The following ZNF700 variants were observed in gnomAD, a reference collection of about 807,000 sequenced individuals.
ZNF700 encodes the protein zinc finger protein 700.
Under a neutral mutation model 65.3 loss-of-function variants are expected in ZNF700, and 38 were observed. That is an observed-to-expected ratio of 0.58 (90% CI 0.45 to 0.76). The LOEUF (loss-of-function observed/expected upper bound fraction) is 0.76. Ranked by LOEUF, ZNF700 falls within the 30% of genes least tolerant of loss-of-function variation. The pLI, the probability that ZNF700 is intolerant of heterozygous loss-of-function variation, is 0.00. For synonymous variants in ZNF700, 285 were observed against 290.4 expected (o/e 0.98, Z 0.19); for missense variants, 857 against 888.4 (o/e 0.96, Z 0.45).
intron 1 of ZNF700, among the ~76,000 whole-genome samples, chr19:11,945,338 T>C (rs1267425390): frequency 6.6e-6 from 1 of 152,204 alleles, no homozygotes; most frequent in Non-Finnish European, 1.5e-5. Flanking sequence ...TGGTTTTAGG[T>C]TGCAATAGGC....
chr19:11,950,251 T>A lies in ZNF700; in HGVS notation c.2227T>A (p.Ter743LysextTer9), dbSNP rs1193951553. 1 of 1,606,842 alleles carries A rather than the reference T, an allele frequency of 6.2e-7. No individual in the cohort carries two copies. Among genetic ancestry groups the A allele is most frequent in the Non-Finnish European group, 8.5e-7 (1 of 1,177,664 alleles). ...TAAGGATTGTGGGAAAGCATTCAGC[T>A]AGCCTGGTTCCTTTTATGGACATGA... ...ECKDCGKAFS* is the reference protein window; with the variant it reads ...ECKDCGKAFSK Residue 743 changes from the stop codon to lysine, a stop_lost, in exon 4 of 4, where the codon TAG becomes AAG. Coordinates refer to ENST00000254321, the MANE Select transcript of ZNF700 (RefSeq NM_144566.3).
In ZNF700 at chr19:11,949,921, T is replaced by C. The variant is rs773961614; in HGVS notation, c.1897T>C (p.Ser633Pro). 1 of 1,610,424 alleles carries C rather than the reference T, an allele frequency of 6.2e-7. No homozygotes were observed. Among genetic ancestry groups the C allele is most frequent in the East Asian group, 2.2e-5 (1 of 44,560 alleles). The change falls in exon 4 of 4, where the codon TCA (serine) becomes CCA (proline). Residue 633 changes from serine to proline, a missense_variant. This residue lies in a region of ZNF700 where 251 missense variants were observed against 250.3 expected (regional missense o/e 1.00). Coordinates refer to ENST00000254321, the MANE Select transcript of ZNF700 (RefSeq NM_144566.3). Reference protein sequence around the residue: ...KQCGKAFRSASNLQMHERTHT... With the variant: ...KQCGKAFRSAPNLQMHERTHT... ...ATGTGGGAAAGCCTTCAGATCTGCC[T>C]CAAACCTTCAGATGCATGAAAGGAC...
At chr19:11,940,000 C>T (rs1336878743) in intron 1 of ZNF700, 4 of 150,882 alleles carry the variant, frequency 2.7e-5, no homozygotes, top group Admixed American at 6.6e-5. Context: ...GGCACAACCT[C>T]GGCTCACCGC....
chr19:11,927,941 A>G (rs1009161175), intron 1 of ZNF700, among the ~76,000 whole-genome samples: 2 of 152,122 alleles, frequency 1.3e-5, no homozygotes, highest in Admixed American at 6.5e-5. Flanking sequence ...TATAGGCAAA[A>G]GGCAAATAAA....
At position 11,931,014 on chromosome 19, in the gene ZNF700, C is replaced by A. The variant is rs1208543131; in HGVS notation, c.63+5741C>A. Among the ~76,000 whole-genome samples the A allele has an allele frequency of 1.5e-4, 21 of 144,484 alleles. 3 individuals carry two copies. In the South Asian group the frequency reaches 4.1e-3, roughly 28 times the overall value. The allele number at this position is 144,484 out of a possible 152,430, so 94.8% of individuals were successfully genotyped here. Reference sequence around the variant, plus strand: ...AATTCCGTCTCAAAAAAAAAAAAAACAACATAGATGCCCTCGTTTCACAAT... The same window carrying A: ...AATTCCGTCTCAAAAAAAAAAAAAAAAACATAGATGCCCTCGTTTCACAAT... On this transcript the variant is annotated intron_variant, in intron 1 of 3. Transcript: ENST00000254321.
intron 1 of ZNF700, among the ~76,000 whole-genome samples, chr19:11,944,226 G>T (rs1316104563): frequency 6.6e-6 from 1 of 152,092 alleles, no homozygotes; most frequent in Non-Finnish European, 1.5e-5. Flanking sequence ...TAATTCTCAG[G>T]GAGTGCCTGG....
intron 1 of ZNF700, among the ~76,000 whole-genome samples, chr19:11,932,297 T>G (rs1379690128): frequency 6.8e-6 from 1 of 147,196 alleles, no homozygotes; most frequent in Non-Finnish European, 1.5e-5. Flanking sequence ...TGAGCTATGA[T>G]TGCACCACTA....
chr19:11,947,176 T>G lies in ZNF700; in HGVS notation c.64-5T>G. On this transcript the variant is annotated splice_region_variant and splice_polypyrimidine_tract_variant and intron_variant, in intron 1 of 3. Transcript: ENST00000254321. ...ATCTTCCTCTACACATGTGAGATGT[T>G]TCAGGACCCAGTGGCCTTTGAGGAT... 6.2e-7 allele frequency: 1 copy of G among 1,613,560 alleles called. No individual in the cohort carries two copies. The highest frequency in any genetic ancestry group is 1.1e-5 in the South Asian group (1 of 90,988).
intron 1 of ZNF700, among the ~76,000 whole-genome samples, chr19:11,937,137 G>A (rs1419552895): frequency 3.9e-5 from 6 of 152,166 alleles, no homozygotes; most frequent in African/African-American, 1.4e-4. Flanking sequence ...TGTGTTGTGT[G>A]TGAAACCTTA....
chr19:11,930,620 C>G (rs1972698964), intron 1 of ZNF700, among the ~76,000 whole-genome samples: 1 of 148,356 alleles, frequency 6.7e-6, no homozygotes, highest in Admixed American at 6.6e-5. Context: ...TGTAGATAAC[C>G]ATTTGTCCCT....
chr19:11,942,561 C>G (rs1430876417), intron 1 of ZNF700, among the ~76,000 whole-genome samples: 1 of 152,084 alleles, frequency 6.6e-6, no homozygotes, highest in South Asian at 2.1e-4. Flanking sequence ...TCTTAAAAAC[C>G]GAGCTCCCAG....
intron 1 of ZNF700, among the ~76,000 whole-genome samples, chr19:11,931,542 G>T (rs553938589): frequency 6.8e-5 from 10 of 148,144 alleles, no homozygotes; most frequent in Non-Finnish European, 1.3e-4. Flanking sequence ...TTCTATAGAG[G>T]ATCTTGTCTA....
intron 1 of ZNF700, among the ~76,000 whole-genome samples, chr19:11,934,497 GTTTTCTTTT>G (rs1404159261): frequency 6.8e-6 from 1 of 148,016 alleles, no homozygotes; most frequent in Non-Finnish European, 1.5e-5. Flanking sequence ...CTGCCTCATT[GTTTTCTTTT>G]TTTTCTTTTT....
Position 11,949,293 on chromosome 19 carries a change from T to C in ZNF700, c.1269T>C (p.Cys423=). 1.9e-6 allele frequency: 3 copies of C among 1,614,036 alleles called. No homozygotes were observed. The highest frequency in any genetic ancestry group is 2.5e-6 in the Non-Finnish European group (3 of 1,180,006). Reference sequence around the variant, plus strand: ...AGAAACCCTATGAGTGTAAGCAGTGTGGGAAAGCCTTCAGATCTGCCTCAC... The same window carrying C: ...AGAAACCCTATGAGTGTAAGCAGTGCGGGAAAGCCTTCAGATCTGCCTCAC... The part of the protein sequence containing the change: ...TGEKPYECKQ[C]GKAFRSASQL... Residue 423 remains cysteine, a synonymous_variant, in exon 4 of 4, where the codon TGT becomes TGC. Coordinates refer to ENST00000254321, the MANE Select transcript of ZNF700 (RefSeq NM_144566.3).
intron 1 of ZNF700, chr19:11,939,952 C>CTT (rs796372866): frequency 0.092 from 13,301 of 144,250 alleles, 1,127 homozygotes; most frequent in African/African-American, 0.23. Context: ...AAGACGTTTT[C>CTT]TTTTTTTTTT....
At position 11,947,300 on chromosome 19, in the gene ZNF700, C is replaced by G; in HGVS notation, c.183C>G (p.Thr61=). ...TGCTGGAAACTTTCAGGAACCTGAC[C>G]TCTATAGGTAAGGATGACAATATTC... is the stretch of plus-strand genomic sequence containing the variant. ...EVMLETFRNL[T]SIGKKWSDQN... Residue 61 remains threonine (T), a synonymous_variant, in exon 2 of 4, where the codon ACC becomes ACG. Transcript: ENST00000254321. The G allele has an allele frequency of 6.2e-7, 1 of 1,613,906 alleles. No individual in the cohort carries two copies. The highest frequency in any genetic ancestry group is 8.5e-7 in the Non-Finnish European group (1 of 1,179,968).
Position 11,948,406 on chromosome 19 carries a change from A to C in ZNF700, c.382A>C (p.Ser128Arg), listed in dbSNP as rs1420744620. ...KASPEVKSCDSFVCAEVGIGN... is the reference protein window; with the variant it reads ...KASPEVKSCDRFVCAEVGIGN... ...TTCTCCTGAAGTAAAATCATGTGACAGCTTTGTGTGTGCAGAAGTTGGCAT... is the reference window on the plus strand; with the variant it reads ...TTCTCCTGAAGTAAAATCATGTGACCGCTTTGTGTGTGCAGAAGTTGGCAT... The change falls in exon 4 of 4, where the codon AGC (serine) becomes CGC (arginine). Residue 128 changes from serine to arginine, a missense_variant. By Grantham distance (110) the Ser-to-Arg change is moderately radical. This residue lies in a region of ZNF700 where 603 missense variants were observed against 619.9 expected (regional missense o/e 0.97). Coordinates refer to ENST00000254321, the MANE Select transcript of ZNF700 (RefSeq NM_144566.3). The C allele has an allele frequency of 1.9e-6, 3 of 1,614,038 alleles. No homozygotes were observed. Among genetic ancestry groups the C allele is most frequent in the Non-Finnish European group, 2.5e-6 (3 of 1,180,002 alleles).
intron 1 of ZNF700, among the ~76,000 whole-genome samples, chr19:11,945,351 C>A (rs1167823269): frequency 6.6e-6 from 1 of 152,186 alleles, no homozygotes; most frequent in East Asian, 1.9e-4. Context: ...CAATAGGCTG[C>A]AGATGACCTG....
chr19:11,929,974 C>G (rs1972689596), intron 1 of ZNF700, among the ~76,000 whole-genome samples: 1 of 148,142 alleles, frequency 6.8e-6, no homozygotes, highest in Non-Finnish European at 1.5e-5. Context: ...GTACACCCTC[C>G]TATCTTTTCC....
Sources: gnomAD v4.1 joint callset for allele counts (sites outside exome capture counted in the v4.1 genomes callset) on GRCh38, gnomAD v4.1.1 for gene constraint, gnomAD v4.1.1 regional missense constraint, MANE v1.5 for transcripts, NCBI Gene and HGNC (gene_info 2026-07-23, HGNC 2026-07-21) for gene names.